ARHGAP39: variants seen among roughly 807,000 people sequenced by gnomAD.
ARHGAP39 encodes Rho GTPase activating protein 39, also known as rho GTPase-activating protein 39.
Under a neutral mutation model 106.9 loss-of-function variants are expected in ARHGAP39, and 44 were observed. That is an observed-to-expected ratio of 0.41 (90% CI 0.32 to 0.53). The LOEUF (loss-of-function observed/expected upper bound fraction) is 0.53. Among genes scored for constraint, ARHGAP39 ranks in the 20% least tolerant of loss-of-function variants. The pLI, the probability that ARHGAP39 is intolerant of heterozygous loss-of-function variation, is 0.21. For missense variants in ARHGAP39, 1,496 were observed against 1,577.3 expected (o/e 0.95, Z 0.87); for synonymous variants, 768 against 693.2 (o/e 1.11, Z -1.69).
At chr8:144,661,142 A>G (rs1387702789) in intron 1 of ARHGAP39, among the ~76,000 whole-genome samples, 1 of 152,144 alleles carries the variant, frequency 6.6e-6, no homozygotes, top group Admixed American at 6.5e-5. Flanking sequence ...GCAGTCCTAC[A>G]CAGGGTCCCA....
At position 144,562,325 on chromosome 8, in the gene ARHGAP39, C is replaced by T. The variant is rs114370687; in HGVS notation, c.513-6682G>A. On this transcript the variant is annotated intron_variant, in intron 3 of 11. Coordinates refer to ENST00000377307, the MANE Select transcript of ARHGAP39 (RefSeq NM_025251.3). ...CATCGGGCTCCAGTGGTTTCCATCA[C>T]GCTCCAGTGGTTTCCATCACGCTCC... Among the ~76,000 whole-genome samples the T allele has an allele frequency of 4.3e-3, 637 of 148,190 alleles. 10 individuals carry two copies. The highest frequency in any genetic ancestry group is 0.015 in the African/African-American group (606 of 39,454).
At chr8:144,677,252 C>T (rs770965864) in intron 1 of ARHGAP39, among the ~76,000 whole-genome samples, 25 of 152,220 alleles carry the variant, frequency 1.6e-4, no homozygotes, top group African/African-American at 1.2e-4. Flanking sequence ...TCTGCGTGGA[C>T]GTGTATATTT....
At position 144,600,924 on chromosome 8, in the gene ARHGAP39, C is replaced by CTG. The variant is rs376202978; in HGVS notation, c.80+4609_80+4610dup. 7.4e-5 allele frequency among the ~76,000 whole-genome samples: 10 copies of CTG among 134,812 alleles called. No individual in the cohort carries two copies. In the South Asian group the frequency reaches 1.4e-3, roughly 19 times the overall value. 88.4% of individuals were successfully genotyped at this position (134,812 alleles called of 152,430 possible). A position where few individuals can be genotyped will look rare whatever the true frequency, so the allele number is the denominator to read the frequency against. On this transcript the variant is annotated intron_variant, in intron 2 of 11. Coordinates refer to ENST00000377307, the MANE Select transcript of ARHGAP39 (RefSeq NM_025251.3). ...GCGTGGTGTGTGCAAGCTCATGTAC[C>CTG]TGTGTGTGTGTGGAGGCATGTGTGT...
At chr8:144,538,304 G>C (rs1242096489) in intron 6 of ARHGAP39, among the ~76,000 whole-genome samples, 1 of 152,252 alleles carries the variant, frequency 6.6e-6, no homozygotes, top group Non-Finnish European at 1.5e-5. Flanking sequence ...GCTCTGCACA[G>C]CGTAACTCCG....
At chr8:144,579,116 G>C (rs1370604074) in intron 3 of ARHGAP39, among the ~76,000 whole-genome samples, 3 of 149,976 alleles carry the variant, frequency 2.0e-5, no homozygotes, top group Admixed American at 6.7e-5. Flanking sequence ...GCAGGAGAGT[G>C]GTGTGAACCC....
At chr8:144,600,971 T>C (rs1026059094) in intron 2 of ARHGAP39, among the ~76,000 whole-genome samples, 3 of 143,460 alleles carry the variant, frequency 2.1e-5, no homozygotes, top group Non-Finnish European at 4.5e-5. Flanking sequence ...TGTGTGCATG[T>C]GCGTGGAGGT....
intron 1 of ARHGAP39, among the ~76,000 whole-genome samples, chr8:144,673,538 C>A (rs549437708): frequency 6.6e-6 from 1 of 152,362 alleles, no homozygotes; most frequent in African/African-American, 2.4e-5. Context: ...TACCTCTTGG[C>A]TGTCATCCCC....
At position 144,603,018 on chromosome 8, in the gene ARHGAP39, CAT is replaced by C. The variant is rs1268810204; in HGVS notation, c.80+2515_80+2516del. 1.1e-4 allele frequency among the ~76,000 whole-genome samples: 13 copies of C among 114,058 alleles called. 1 individual carries two copies. The South Asian group carries it at 1.7e-3, about 15-fold the overall frequency. 74.8% of individuals were successfully genotyped at this position (114,058 alleles called of 152,430 possible). A position where few individuals can be genotyped will look rare whatever the true frequency, so the allele number is the denominator to read the frequency against. The stretch of plus-strand genomic sequence containing the variant: ...GTGCGTGGAGGTGTGTGTGCGAGCT[CAT>C]GTATCTGTGTGCGTGCGTGGAGGCG... On this transcript the variant is annotated intron_variant, in intron 2 of 11. Coordinates refer to ENST00000377307, the MANE Select transcript of ARHGAP39 (RefSeq NM_025251.3).
At chr8:144,534,025 G>A in intron 8 of ARHGAP39, 104 bp downstream of exon 8, 1 of 1,320,708 alleles carries the variant, frequency 7.6e-7, no homozygotes, top group Non-Finnish European at 1.1e-6. Flanking sequence ...GGCACCCTCT[G>A]CGCTGCTGCC....
At chr8:144,573,056 G>T (rs1818640216) in intron 3 of ARHGAP39, among the ~76,000 whole-genome samples, 1 of 152,136 alleles carries the variant, frequency 6.6e-6, no homozygotes, top group African/African-American at 2.4e-5. Flanking sequence ...ATTCGTCAAG[G>T]ATTTAGAACT....
intron 1 of ARHGAP39, among the ~76,000 whole-genome samples, chr8:144,610,278 G>GT (rs1393046581): frequency 1.3e-5 from 2 of 151,644 alleles, no homozygotes; most frequent in Non-Finnish European, 2.9e-5. Flanking sequence ...CAGCTTAATC[G>GT]TTTTTTTTCT....
At chr8:144,572,548 A>G (rs1231068457) in intron 3 of ARHGAP39, among the ~76,000 whole-genome samples, 2 of 152,236 alleles carry the variant, frequency 1.3e-5, no homozygotes, top group African/African-American at 2.4e-5. Flanking sequence ...AGGCATTACC[A>G]TTCAGGACAC....
In ARHGAP39 at chr8:144,530,602, C is replaced by G; in HGVS notation, c.3165G>C (p.Pro1055=). The change falls in exon 12 of 12, where the codon CCG becomes CCC. Residue 1055 remains proline (P), a synonymous_variant. Coordinates refer to ENST00000377307, the MANE Select transcript of ARHGAP39 (RefSeq NM_025251.3). ...LIRFLQVFVQ[P]ANVAVTKMDV... ...CCATCTTGGTGACCGCGACGTTGGC[C>G]GGCTGCACGAAGACCTGGTGGAGGA... 6.9e-7 allele frequency: 1 copy of G among 1,439,956 alleles called. No homozygotes were observed. The highest frequency in any genetic ancestry group is 9.3e-7 in the Non-Finnish European group (1 of 1,073,286). 89.2% of individuals were successfully genotyped at this position (1,439,956 alleles called of 1,614,324 possible).
At chr8:144,682,947 G>A (rs915596319) in intron 1 of ARHGAP39, among the ~76,000 whole-genome samples, 1 of 151,816 alleles carries the variant, frequency 6.6e-6, no homozygotes, top group Non-Finnish European at 1.5e-5. Context: ...AGCACAGGAG[G>A]TCAAGGCTGC....
intron 7 of ARHGAP39, among the ~76,000 whole-genome samples, 194 bp from the exon 8 acceptor site, chr8:144,534,396 T>C (rs1816868529): frequency 6.6e-6 from 1 of 152,106 alleles, no homozygotes; most frequent in Non-Finnish European, 1.5e-5. Context: ...CAAGGAGCAC[T>C]TCCCCACCTG....
At chr8:144,571,124 T>C (rs531567602) in intron 3 of ARHGAP39, among the ~76,000 whole-genome samples, 4 of 152,144 alleles carry the variant, frequency 2.6e-5, no homozygotes, top group Non-Finnish European at 5.9e-5. Flanking sequence ...CCTCCCTAAC[T>C]CATTTTATAA....
chr8:144,644,908 CCCCTA>C lies in ARHGAP39; in HGVS notation c.-81-39218_-81-39214del, dbSNP rs1475544836. Among the ~76,000 whole-genome samples, 2 of 152,220 alleles carry C rather than the reference CCCCTA, an allele frequency of 1.3e-5. No homozygotes were observed. Among genetic ancestry groups the C allele is most frequent in the African/African-American group, 2.4e-5 (1 of 41,454 alleles). ...CTCAATTTCATCTCATCAGACTCTG[CCCCTA>C]GCAGGTCCTCTGCTCCGTGCTGCCA... is the stretch of plus-strand genomic sequence containing the variant. On this transcript the variant is annotated intron_variant, in intron 1 of 11. Transcript: ENST00000377307. The surrounding 1 kb of genome is among the most constrained non-coding windows in gnomAD (Gnocchi z 4.8).
chr8:144,645,435 G>A lies in ARHGAP39; in HGVS notation c.-81-39740C>T, dbSNP rs969843401. The stretch of plus-strand genomic sequence containing the variant: ...CCCGGCAGAGTCACTGATGGACTCC[G>A]TCAGGGCAGAGCCTCCCCGCCTCAC... On this transcript the variant is annotated intron_variant, in intron 1 of 11. Transcript: ENST00000377307. This position sits in a 1 kb window ranked among gnomAD's most constrained non-coding sequence, Gnocchi z 4.4. Among the ~76,000 whole-genome samples the A allele has an allele frequency of 3.4e-5, 5 of 149,130 alleles. No individual in the cohort carries two copies. The highest frequency in any genetic ancestry group is 7.4e-5 in the African/African-American group (3 of 40,288).
intron 1 of ARHGAP39, among the ~76,000 whole-genome samples, chr8:144,631,477 G>A (rs569778114): frequency 6.6e-6 from 1 of 152,200 alleles, no homozygotes; most frequent in Non-Finnish European, 1.5e-5. Context: ...CATCTGCCCC[G>A]TTTCACGGGT....
Sources: gnomAD v4.1 joint callset for allele counts (sites outside exome capture counted in the v4.1 genomes callset) on GRCh38, gnomAD v4.1.1 for gene constraint, Gnocchi (gnomAD v3.1) non-coding constraint, MANE v1.5 for transcripts, NCBI Gene and HGNC (gene_info 2026-07-23, HGNC 2026-07-21) for gene names.